Variants in EVI5 observed in about 807,000 individuals in gnomAD.
EVI5 encodes ecotropic viral integration site 5 protein homolog.
A neutral mutation model predicts 112.0 loss-of-function variants in EVI5; 73 were observed. The ratio of observed to expected loss-of-function variants is 0.65; its 90% CI spans 0.54 to 0.79. EVI5 has a LOEUF of 0.79. Ranked by LOEUF, EVI5 falls within the 30% of genes least tolerant of loss-of-function variation. The pLI, the probability that EVI5 is intolerant of heterozygous loss-of-function variation, is 0.00. For synonymous variants in EVI5, 305 were observed against 319.9 expected (o/e 0.95, Z 0.50); for missense variants, 900 against 968.8 (o/e 0.93, Z 0.94).
At chr1:92,627,836 C>T (rs1342708539) in intron 14 of EVI5, among the ~76,000 whole-genome samples, 2 of 151,768 alleles carry the variant, frequency 1.3e-5, no homozygotes, top group African/African-American at 4.8e-5. Context: ...GTCGCCCAGG[C>T]TGGAGCGCAA....
chr1:92,558,924 A>G (rs1283144833), intron 19 of EVI5, among the ~76,000 whole-genome samples: 1 of 152,012 alleles, frequency 6.6e-6, no homozygotes, highest in East Asian at 1.9e-4. Context: ...AACAACAAAC[A>G]TCCAAAGGCT....
At chr1:92,769,214 C>T (rs181776484) in intron 1 of EVI5, among the ~76,000 whole-genome samples, 11 of 152,190 alleles carry the variant, frequency 7.2e-5, no homozygotes, top group African/African-American at 2.6e-4. Context: ...TGTTAAGAAC[C>T]CAAATATCCA....
In EVI5 at chr1:92,625,936, T is replaced by C. The variant is rs1440572529; in HGVS notation, c.1528-2A>G. The C allele has an allele frequency of 1.9e-6, 3 of 1,581,214 alleles. No homozygotes were observed. The highest frequency in any genetic ancestry group is 1.4e-5 in the African/African-American group (1 of 73,736). On this transcript the variant is annotated splice_acceptor_variant, in intron 14 of 19. Transcript: ENST00000684568. LOFTEE classifies it high-confidence loss of function. ...CTCATCAGGAAGGGAGTTATTCCTC[T>C]AAAGAAGAAGAAAATTTAATTTGGG...
chr1:92,682,278 C>T (rs1042198486), intron 9 of EVI5, among the ~76,000 whole-genome samples: 5 of 152,178 alleles, frequency 3.3e-5, no homozygotes, highest in Non-Finnish European at 5.9e-5. Context: ...CCTGTGAGCC[C>T]TATCTCTGCG....
chr1:92,571,925 T>G (rs1670377706), intron 18 of EVI5, among the ~76,000 whole-genome samples: 1 of 152,164 alleles, frequency 6.6e-6, no homozygotes, highest in African/African-American at 2.4e-5. Flanking sequence ...ACGCCCAACA[T>G]ATCAACAACT....
At chr1:92,776,697 A>T (rs1439275621) in intron 1 of EVI5, among the ~76,000 whole-genome samples, 1 of 149,436 alleles carries the variant, frequency 6.7e-6, no homozygotes, top group Admixed American at 6.8e-5. Flanking sequence ...GTGCAGTGGT[A>T]TGATCTCGAC....
intron 2 of EVI5, among the ~76,000 whole-genome samples, chr1:92,726,413 AT>A (rs1025549087): frequency 6.6e-6 from 1 of 152,188 alleles, no homozygotes; most frequent in African/African-American, 2.4e-5. Flanking sequence ...CAACATTAAA[AT>A]ATTTGGAAAA....
intron 13 of EVI5, among the ~76,000 whole-genome samples, chr1:92,643,980 A>C (rs1411122893): frequency 3.3e-5 from 5 of 152,226 alleles, no homozygotes; most frequent in Non-Finnish European, 4.4e-5. Context: ...TATGAAAGTC[A>C]CCATTCTGGA....
chr1:92,605,965 G>C (rs1279989034), intron 17 of EVI5, among the ~76,000 whole-genome samples: 1 of 152,074 alleles, frequency 6.6e-6, no homozygotes, highest in African/African-American at 2.4e-5. Flanking sequence ...ACATAACAGG[G>C]TAAAACATAC....
intron 1 of EVI5, among the ~76,000 whole-genome samples, chr1:92,745,970 A>C (rs892545785): frequency 6.6e-6 from 1 of 152,214 alleles, no homozygotes; most frequent in African/African-American, 2.4e-5. Flanking sequence ...TTACATAACA[A>C]AGAGCAACCT....
At chr1:92,731,264 A>T (rs1235700184) in intron 2 of EVI5, among the ~76,000 whole-genome samples, 2 of 152,252 alleles carry the variant, frequency 1.3e-5, no homozygotes, top group Non-Finnish European at 2.9e-5. Context: ...CAGAGGTCAC[A>T]GTGAGCAGAG....
intron 18 of EVI5, among the ~76,000 whole-genome samples, chr1:92,581,703 A>AC (rs1427207832): frequency 1.3e-5 from 2 of 152,136 alleles, no homozygotes; most frequent in Admixed American, 6.5e-5. Context: ...TAAAAAAAAA[A>AC]AAACTATTTA....
chr1:92,740,203 T>C (rs1678141338), intron 1 of EVI5, among the ~76,000 whole-genome samples: 1 of 152,234 alleles, frequency 6.6e-6, no homozygotes, highest in Admixed American at 6.5e-5. Flanking sequence ...CTTGCTTATA[T>C]AAACATTTCA....
At chr1:92,626,650 G>A (rs1200535064) in intron 14 of EVI5, among the ~76,000 whole-genome samples, 1 of 152,170 alleles carries the variant, frequency 6.6e-6, no homozygotes, top group Non-Finnish European at 1.5e-5. Flanking sequence ...AGCAATGTAT[G>A]AGGGGAACTG....
At chr1:92,784,376 G>A in intron 1 of EVI5, 1 of 985,326 alleles carries the variant, frequency 1.0e-6, no homozygotes, top group Non-Finnish European at 1.2e-6. Context: ...CAGCAGCCTG[G>A]AGACACGCCA....
intron 10 of EVI5, among the ~76,000 whole-genome samples, chr1:92,674,553 G>A (rs2102294406): frequency 6.6e-6 from 1 of 152,212 alleles, no homozygotes; most frequent in Non-Finnish European, 1.5e-5. Flanking sequence ...GAGGGCTAGG[G>A]AAGGAATAGC....
chr1:92,520,584 C>T (rs1336810405), intron 19 of EVI5, among the ~76,000 whole-genome samples: 1 of 152,074 alleles, frequency 6.6e-6, no homozygotes, highest in Admixed American at 6.6e-5. Flanking sequence ...GGCATGGTGG[C>T]TCACATCTGT....
chr1:92,549,075 T>C (rs1666316569), intron 19 of EVI5, among the ~76,000 whole-genome samples: 11 of 151,050 alleles, frequency 7.3e-5, no homozygotes, highest in South Asian at 4.2e-4. Flanking sequence ...GCTGGAGGCA[T>C]CACGCTACCT....
At chr1:92,553,735 CT>C (rs1300696921) in intron 19 of EVI5, among the ~76,000 whole-genome samples, 4 of 152,176 alleles carry the variant, frequency 2.6e-5, no homozygotes, top group African/African-American at 7.2e-5. Flanking sequence ...CGCCCTGCCC[CT>C]GTATGTGATT....
Sources: allele counts gnomAD v4.1 joint callset (sites outside exome capture counted in the v4.1 genomes callset), GRCh38; gene constraint gnomAD v4.1.1; transcripts MANE v1.5; gene names NCBI Gene and HGNC (gene_info 2026-07-23, HGNC 2026-07-21).